Variants in SLC25A48 observed in about 807,000 individuals in gnomAD.
SLC25A48 encodes the protein CTC-321K16.1.
SLC25A48 carries 29 observed loss-of-function variants against 32.2 expected under a neutral mutation model. That is an observed-to-expected ratio of 0.90 (90% CI 0.67 to 1.23). The LOEUF is 1.23. Ranked by LOEUF, SLC25A48 falls within the 50% of genes most tolerant of loss-of-function variation. The pLI, the probability that SLC25A48 is intolerant of heterozygous loss-of-function variation, is 0.00. For synonymous variants in SLC25A48, 164 were observed against 172.3 expected (o/e 0.95, Z 0.38); for missense variants, 399 against 422.7 (o/e 0.94, Z 0.49).
intron 1 of SLC25A48, among the ~76,000 whole-genome samples, chr5:135,838,556 C>T (rs779547754): frequency 2.6e-5 from 4 of 152,136 alleles, no homozygotes; most frequent in Non-Finnish European, 4.4e-5. Context: ...GACTCAGAGG[C>T]CTAGGAGGAA....
At chr5:135,757,825 A>G (rs1755956273) in intron 3 of SLC25A48, among the ~76,000 whole-genome samples, 1 of 150,354 alleles carries the variant, frequency 6.7e-6, no homozygotes, top group African/African-American at 2.4e-5. Flanking sequence ...TAAAATATCT[A>G]TATGAAATTT....
chr5:135,740,224 C>T (rs905268019), intron 3 of SLC25A48, among the ~76,000 whole-genome samples: 4 of 151,932 alleles, frequency 2.6e-5, no homozygotes, highest in Admixed American at 6.6e-5. Context: ...GACGGTGTCT[C>T]GGTCTGTCAC....
chr5:135,803,097 G>A (rs1249114934), intron 3 of SLC25A48: 1 of 151,264 alleles, frequency 6.6e-6, no homozygotes, highest in Non-Finnish European at 1.5e-5. Flanking sequence ...ATCCTATGGA[G>A]GTATTACTCT....
At chr5:135,755,597 T>C (rs1321582170) in intron 3 of SLC25A48, among the ~76,000 whole-genome samples, 1 of 152,060 alleles carries the variant, frequency 6.6e-6, no homozygotes. Context: ...ATTTACCATA[T>C]GTAGCGTCAA....
At chr5:135,723,707 T>G (rs373944512) in intron 3 of SLC25A48, among the ~76,000 whole-genome samples, 4 of 152,136 alleles carry the variant, frequency 2.6e-5, no homozygotes, top group South Asian at 4.1e-4. Context: ...CATAACACAG[T>G]TTTGCATTCT....
chr5:135,758,894 A>G (rs73789139), intron 3 of SLC25A48, among the ~76,000 whole-genome samples: 45,512 of 150,426 alleles, frequency 0.3, 7,037 homozygotes, highest in East Asian at 0.46. Flanking sequence ...TTAATAGAAT[A>G]TTATCTATGC....
At chr5:135,885,570 C>T (rs1290614127) in intron 7 of SLC25A48, among the ~76,000 whole-genome samples, 2 of 152,280 alleles carry the variant, frequency 1.3e-5, no homozygotes, top group South Asian at 2.1e-4. Context: ...CACTGTGTCC[C>T]TCCCTGTGCT....
chr5:135,864,753 AATGAT>A (rs1360986704), intron 4 of SLC25A48, among the ~76,000 whole-genome samples: 2 of 152,242 alleles, frequency 1.3e-5, no homozygotes, highest in Admixed American at 1.3e-4. Context: ...ACCAGACATT[AATGAT>A]AGTGCATATT....
Position 135,701,435 on chromosome 5 carries a change from CAT to C in SLC25A48, c.-521+66482_-521+66483del, listed in dbSNP as rs1243601316. Among the ~76,000 whole-genome samples the C allele has an allele frequency of 3.3e-5, 5 of 152,296 alleles. 1 individual carries two copies. Among genetic ancestry groups the C allele is most frequent in the African/African-American group, 9.6e-5 (4 of 41,562 alleles). ...TATGTCTAAGCAGGGGACCTGGTGA[CAT>C]ATTGGGAGCAGTATTTTGAGGAACA... On this transcript the variant is annotated intron_variant, in intron 3 of 10. Coordinates refer to the SLC25A48 transcript ENST00000646290.
chr5:135,778,360 A>G (rs991091565), intron 3 of SLC25A48, among the ~76,000 whole-genome samples: 2 of 150,950 alleles, frequency 1.3e-5, no homozygotes, highest in Admixed American at 1.3e-4. Context: ...ATCGCAGAAG[A>G]TGTACACCCC....
chr5:135,667,138 A>G lies in SLC25A48; in HGVS notation c.-521+32182A>G, dbSNP rs372776603. Among the ~76,000 whole-genome samples, 25 of 152,220 alleles carry G rather than the reference A, an allele frequency of 1.6e-4. 1 individual carries two copies. The East Asian group carries it at 3.3e-3, about 20-fold the overall frequency. On this transcript the variant is annotated intron_variant, in intron 3 of 10. Transcript: ENST00000646290. ...CTATTTCATGTTCTGGAACATGCCCATACTTTTCCATCTCTGAGCCTGTGC... is the reference window on the plus strand; with the variant it reads ...CTATTTCATGTTCTGGAACATGCCCGTACTTTTCCATCTCTGAGCCTGTGC...
intron 3 of SLC25A48, among the ~76,000 whole-genome samples, chr5:135,801,240 C>T (rs1297566357): frequency 6.7e-6 from 1 of 150,290 alleles, no homozygotes; most frequent in Non-Finnish European, 1.5e-5. Context: ...GGTGTACACC[C>T]CCTGTGATAT....
chr5:135,723,958 A>G (rs143069910), intron 3 of SLC25A48, among the ~76,000 whole-genome samples: 5 of 152,346 alleles, frequency 3.3e-5, no homozygotes, highest in South Asian at 2.1e-4. Flanking sequence ...CTTGGGAAAG[A>G]TACATTATTG....
At chr5:135,746,497 C>T (rs1288791316) in intron 3 of SLC25A48, 3 of 236,616 alleles carry the variant, frequency 1.3e-5, no homozygotes, top group Non-Finnish European at 2.5e-5. Context: ...GAACTGCTGT[C>T]GTGCATTTCC....
intron 3 of SLC25A48, among the ~76,000 whole-genome samples, chr5:135,748,586 C>A (rs888679326): frequency 6.6e-6 from 1 of 152,022 alleles, no homozygotes; most frequent in Non-Finnish European, 1.5e-5. Flanking sequence ...AAGTTATTCT[C>A]CTTTCGCTGA....
intron 3 of SLC25A48, among the ~76,000 whole-genome samples, chr5:135,729,367 TG>T (rs748592668): frequency 6.6e-6 from 1 of 152,046 alleles, no homozygotes; most frequent in Non-Finnish European, 1.5e-5. Context: ...TTTTTTTTTT[TG>T]GTCCCTGGGA....
chr5:135,787,822 T>A (rs901480358), intron 3 of SLC25A48, among the ~76,000 whole-genome samples: 1 of 140,240 alleles, frequency 7.1e-6, no homozygotes, highest in African/African-American at 2.5e-5. Flanking sequence ...CTGGTGTACA[T>A]TTTTTGATAT....
chr5:135,837,347 C>T (rs1250984360), intron 1 of SLC25A48, among the ~76,000 whole-genome samples: 2 of 152,162 alleles, frequency 1.3e-5, no homozygotes, highest in African/African-American at 4.8e-5. Flanking sequence ...TAGCTGGTTT[C>T]TTTGTCCCTA....
At chr5:135,879,634 G>GTC (rs1183014482) in intron 6 of SLC25A48, among the ~76,000 whole-genome samples, 10 of 151,850 alleles carry the variant, frequency 6.6e-5, no homozygotes, top group African/African-American at 2.4e-4. Flanking sequence ...GTGTGTGTGT[G>GTC]TGTGTGTGTA....
Sources: gnomAD v4.1 joint callset for allele counts (sites outside exome capture counted in the v4.1 genomes callset) on GRCh38, gnomAD v4.1.1 for gene constraint, MANE v1.5 for transcripts, NCBI Gene and HGNC (gene_info 2026-07-23, HGNC 2026-07-21) for gene names.